The following ADPRHL1 variants were observed in gnomAD, a reference collection of about 807,000 sequenced individuals.
ADPRHL1 encodes the protein inactive ADP-ribosyltransferase ARH2.
In ADPRHL1, 43 loss-of-function variants were observed where a neutral mutation model predicts 44.1. The observed-to-expected ratio is 0.98, with a 90% CI of 0.76 to 1.26. The LOEUF (loss-of-function observed/expected upper bound fraction) is 1.26. ADPRHL1 is among the 50% of genes most tolerant of loss of function. ADPRHL1 has a pLI of 0.00. For missense variants in ADPRHL1, 2,022 were observed against 2,496.9 expected (o/e 0.81, Z 4.05); for synonymous variants, 878 against 1,017.4 (o/e 0.86, Z 2.61).
At chr13:113,429,351 G>A (rs1022822429) in intron 3 of ADPRHL1, among the ~76,000 whole-genome samples, 7 of 152,106 alleles carry the variant, frequency 4.6e-5, no homozygotes, top group African/African-American at 9.7e-5. Context: ...GGCCCTGGCC[G>A]CCCCCAGTTG....
Position 113,453,426 on chromosome 13 carries a change from AAATT to A in ADPRHL1, c.8_11del (p.Lys3IlefsTer26). On this transcript the variant is annotated frameshift_variant, in exon 1 of 8. Coordinates refer to ENST00000612156, the MANE Select transcript of ADPRHL1 (RefSeq NM_001394807.1). LOFTEE classifies it high-confidence loss of function. This position sits in a 1 kb window ranked among gnomAD's most constrained non-coding sequence, Gnocchi z 5.4. Reference sequence around the variant, plus strand: ...CGCTCCCCAGCAACATCGCAGCCTTAAATTTCTCCATCCCAGGAGGCAGCTCCTC... The same window carrying A: ...CGCTCCCCAGCAACATCGCAGCCTTATCTCCATCCCAGGAGGCAGCTCCTC... The A allele has an allele frequency of 1.2e-6, 2 of 1,614,042 alleles. No individual in the cohort carries two copies. The highest frequency in any genetic ancestry group is 1.7e-6 in the Non-Finnish European group (2 of 1,180,012).
At chr13:113,450,853 G>T (rs1419262170) in intron 1 of ADPRHL1, among the ~76,000 whole-genome samples, 2 of 152,146 alleles carry the variant, frequency 1.3e-5, no homozygotes. Flanking sequence ...CAGGGAGACG[G>T]TTAGGCCTCC....
At chr13:113,435,345 T>G (rs1455104785) in intron 2 of ADPRHL1, among the ~76,000 whole-genome samples, 60 of 105,156 alleles carry the variant, frequency 5.7e-4, no homozygotes, top group African/African-American at 7.5e-4. Flanking sequence ...GTGTAGCCCG[T>G]GACCCAGCAC....
rs9549794 is a variant in ADPRHL1 at position 113,441,425 on chromosome 13, G to T, written c.379+3000C>A. On this transcript the variant is annotated intron_variant, in intron 2 of 7. Transcript: ENST00000612156. This position sits in a 1 kb window ranked among gnomAD's most constrained non-coding sequence, Gnocchi z 6.0. ...TATTGCTAACTCTTCTGTGATTTCA[G>T]CGGTGGCTTTTGGGTTCATGGTGTC... Among the ~76,000 whole-genome samples, 1 of 151,966 alleles carries T rather than the reference G, an allele frequency of 6.6e-6. No homozygotes were observed. The highest frequency in any genetic ancestry group is 1.5e-5 in the Non-Finnish European group (1 of 68,004).
At position 113,409,190 on chromosome 13, in the gene ADPRHL1, T is replaced by C. The variant is rs2043832324; in HGVS notation, c.1062-970A>G. On this transcript the variant is annotated intron_variant, in intron 7 of 7. Transcript: ENST00000612156. The surrounding 1 kb of genome is among the most constrained non-coding windows in gnomAD (Gnocchi z 4.2). ...GAGAGACAGGGTCTTTGTGATTTGA[T>C]GGTGTTTTCTGAGCCTGGGTCCGGG... 1.0e-5 allele frequency: 6 copies of C among 581,272 alleles called. No individual in the cohort carries two copies. The highest frequency in any genetic ancestry group is 1.3e-5 in the Non-Finnish European group (6 of 460,790). 36.0% of individuals were successfully genotyped at this position (581,272 alleles called of 1,614,324 possible). A position where few individuals can be genotyped will look rare whatever the true frequency, so the allele number is the denominator to read the frequency against.
rs1055729490 is a variant in ADPRHL1, at chr13:113,406,553, G to A, written c.2729C>T (p.Ala910Val). Residue 910 changes from alanine to valine, a missense_variant, in exon 8 of 8, where the codon GCG becomes GTG. By Grantham distance (64) the Ala-to-Val change is moderately conservative (BLOSUM62 0). This residue lies in a region of ADPRHL1 where 1,221 missense variants were observed against 1,517.8 expected (regional missense o/e 0.80). Transcript: ENST00000612156. ...VELSKLSGMQ[A>V]GLSASSPQGP... is the part of the protein sequence containing the mutation. ...CTGCGGCGAAGAGGCGCTGAGTCCCGCCTGCATCCCTGAAAGCTTGCTCAG... is the reference window on the plus strand; with the variant it reads ...CTGCGGCGAAGAGGCGCTGAGTCCCACCTGCATCCCTGAAAGCTTGCTCAG... The A allele has an allele frequency of 6.8e-5, 84 of 1,231,936 alleles. No homozygotes were observed. The highest frequency in any genetic ancestry group is 8.1e-5 in the Non-Finnish European group (80 of 987,990). 76.3% of individuals were successfully genotyped at this position (1,231,936 alleles called of 1,614,324 possible).
chr13:113,443,446 GAAA>G (rs112291276), intron 2 of ADPRHL1, among the ~76,000 whole-genome samples: 2 of 130,270 alleles, frequency 1.5e-5, no homozygotes, highest in Non-Finnish European at 1.7e-5. Flanking sequence ...CTTCTCTACA[GAAA>G]AAAAAAAAAC....
At chr13:113,439,006 G>A (rs932325336) in intron 2 of ADPRHL1, among the ~76,000 whole-genome samples, 9 of 152,180 alleles carry the variant, frequency 5.9e-5, no homozygotes, top group African/African-American at 1.9e-4. Context: ...AATTTGGGAA[G>A]TATTCCTCTT....
At chr13:113,434,392 A>G (rs1595550390) in intron 2 of ADPRHL1, among the ~76,000 whole-genome samples, 3 of 148,040 alleles carry the variant, frequency 2.0e-5, no homozygotes, top group African/African-American at 7.7e-5. Context: ...CCCAGCACCC[A>G]GGCGTAGAGT....
intron 2 of ADPRHL1, among the ~76,000 whole-genome samples, chr13:113,443,066 A>G (rs2044110101): frequency 6.6e-6 from 1 of 152,132 alleles, no homozygotes; most frequent in African/African-American, 2.4e-5. Context: ...TCTCTACTTA[A>G]TTTTTTGAAC....
intron 5 of ADPRHL1, among the ~76,000 whole-genome samples, chr13:113,424,611 C>T (rs1393140992): frequency 2.0e-5 from 3 of 151,692 alleles, no homozygotes; most frequent in Admixed American, 1.3e-4. Flanking sequence ...TACACCAGCA[C>T]ACGTGGCTAA....
rs1319359863 is a variant in ADPRHL1 at position 113,407,135 on chromosome 13, A to C, written c.2147T>G (p.Val716Gly). 6 of 1,231,868 alleles carry C rather than the reference A, an allele frequency of 4.9e-6. No homozygotes were observed. The highest frequency in any genetic ancestry group is 6.1e-6 in the Non-Finnish European group (6 of 988,020). The allele number at this position is 1,231,868 out of a possible 1,614,324, so 76.3% of individuals were successfully genotyped here. Reference sequence around the variant, plus strand: ...TGATGCAGGCACAAGGCCAGGAAGGACTCCACCTGTGCAGGGAGCACAAGA... The same window carrying C: ...TGATGCAGGCACAAGGCCAGGAAGGCCTCCACCTGTGCAGGGAGCACAAGA... ...AFSCAPCTGG[V>G]LPGLVPASSP... The change falls in exon 8 of 8, where the codon GTC becomes GGC. Residue 716 changes from valine (V) to glycine (G), a missense_variant. Around this residue, in one of 8 missense-constraint regions of ADPRHL1, gnomAD observed 1,221 missense variants for 1,517.8 expected, o/e 0.80. Transcript: ENST00000612156.
At chr13:113,410,148 C>A (rs1239571456) in intron 7 of ADPRHL1, 10 of 985,058 alleles carry the variant, frequency 1.0e-5, no homozygotes, top group Admixed American at 1.2e-4. Flanking sequence ...GGACCCCACA[C>A]GGAGGAGTGG....
rs140486582 is a variant in ADPRHL1, at chr13:113,435,356, C to A, written c.380-1489G>T. Among the ~76,000 whole-genome samples the A allele has an allele frequency of 1.0e-3, 142 of 137,724 alleles. 8 individuals are homozygous for A. Among genetic ancestry groups the A allele is most frequent in the Middle Eastern group, 3.9e-3 (1 of 256 alleles). The allele number at this position is 137,724 out of a possible 152,430, so 90.4% of individuals were successfully genotyped here. On this transcript the variant is annotated intron_variant, in intron 2 of 7. Transcript: ENST00000612156. Reference sequence around the variant, plus strand: ...ATAGGTGTAGCCCGTGACCCAGCACCCAGGCGTAGAGTGAACATAGGTGTA... The same window carrying A: ...ATAGGTGTAGCCCGTGACCCAGCACACAGGCGTAGAGTGAACATAGGTGTA...
Position 113,403,675 on chromosome 13 carries a change from G to C in ADPRHL1, c.5607C>G (p.Leu1869=). ...AGYPPPGSRP[L]RGKSIATSPL... is the part of the protein sequence containing the mutation. ...GAGAGGTGGCAATGCTCTTGCCCCT[G>C]AGGGGGCGGCTTCCTGGGGGTGGGT... The change falls in exon 8 of 8, where the codon CTC becomes CTG. Residue 1869 remains leucine (L), a synonymous_variant. Coordinates refer to ENST00000612156, the MANE Select transcript of ADPRHL1 (RefSeq NM_001394807.1). 1.6e-6 allele frequency: 2 copies of C among 1,231,938 alleles called. No homozygotes were observed. Among genetic ancestry groups the C allele is most frequent in the Non-Finnish European group, 2.0e-6 (2 of 988,204 alleles). The allele number at this position is 1,231,938 out of a possible 1,614,324, so 76.3% of individuals were successfully genotyped here.
intron 2 of ADPRHL1, among the ~76,000 whole-genome samples, chr13:113,434,371 G>T (rs2044031240): frequency 6.7e-6 from 1 of 148,528 alleles, no homozygotes; most frequent in Non-Finnish European, 1.5e-5. Flanking sequence ...GAACATAGGT[G>T]TACCCTGGGA....
At chr13:113,433,938 T>A in intron 2 of ADPRHL1, 71 bp from the exon 3 acceptor site, 1 of 1,453,180 alleles carries the variant, frequency 6.9e-7, no homozygotes, top group Non-Finnish European at 9.1e-7. Context: ...CTAGCTTTCA[T>A]GAATAATTTT....
Position 113,407,950 on chromosome 13 carries a change from G to A in ADPRHL1, c.1332C>T (p.Tyr444=), listed in dbSNP as rs2043821513. The A allele has an allele frequency of 8.1e-6, 10 of 1,231,922 alleles. No individual in the cohort carries two copies. The highest frequency in any genetic ancestry group is 1.0e-5 in the Non-Finnish European group (10 of 988,004). The allele number at this position is 1,231,922 out of a possible 1,614,324, so 76.3% of individuals were successfully genotyped here. A position where few individuals can be genotyped will look rare whatever the true frequency, so the allele number is the denominator to read the frequency against. The change falls in exon 8 of 8, where the codon TAC becomes TAT. Residue 444 remains tyrosine (Y), a synonymous_variant. Coordinates refer to ENST00000612156, the MANE Select transcript of ADPRHL1 (RefSeq NM_001394807.1). ...GGCCCACCTCCCTGGTCCTCTTGAG[G>A]TAGCGCTCCCGGCCAGTGCCCAGGA... ...AKFLGTGRER[Y]LKRTREVGRL...
Position 113,426,925 on chromosome 13 carries a change from G to A in ADPRHL1, c.647-1746C>T, listed in dbSNP as rs375723508. On this transcript the variant is annotated intron_variant, in intron 4 of 7. Coordinates refer to ENST00000612156, the MANE Select transcript of ADPRHL1 (RefSeq NM_001394807.1). ...CAGGTGGGCTGGTCAGAAGCCCAGA[G>A]CAGTGTTTCCGGAGGGTGTCCTACG... is the stretch of plus-strand genomic sequence containing the variant. Among the ~76,000 whole-genome samples, 18 of 152,380 alleles carry A rather than the reference G, an allele frequency of 1.2e-4. No homozygotes were observed. In the South Asian group the frequency reaches 1.7e-3, roughly 14 times the overall value.
Sources: gnomAD v4.1 joint callset for allele counts (sites outside exome capture counted in the v4.1 genomes callset) on GRCh38, gnomAD v4.1.1 for gene constraint, gnomAD v4.1.1 regional missense constraint, Gnocchi (gnomAD v3.1) non-coding constraint, MANE v1.5 for transcripts, NCBI Gene and HGNC (gene_info 2026-07-23, HGNC 2026-07-21) for gene names.